The following FHDC1 variants were observed in gnomAD, a reference collection of about 807,000 sequenced individuals.
The protein encoded by FHDC1 is FH2 domain-containing protein 1.
A neutral mutation model predicts 52.6 loss-of-function variants in FHDC1; 25 were observed. The observed-to-expected ratio is 0.48, with a 90% confidence interval of 0.35 to 0.66. The LOEUF (loss-of-function observed/expected upper bound fraction) is 0.66, where lower values mean the gene tolerates loss of function less well. FHDC1 is among the 30% of genes least tolerant of loss of function. The pLI, the probability that FHDC1 is intolerant of heterozygous loss-of-function variation, is 0.01. For missense variants in FHDC1, 1,459 were observed against 1,452.8 expected, an observed-to-expected ratio of 1.00 and a Z score of -0.07; for synonymous variants, 616 against 581.5, an observed-to-expected ratio of 1.06 and a Z score of -0.85.
intron 9 of FHDC1, among the ~76,000 whole-genome samples, chr4:152,966,107 A>C (rs906053484): frequency 6.6e-6 from 1 of 152,228 alleles, no homozygotes; most frequent in African/African-American, 2.4e-5. Flanking sequence ...GTGTGGGAAC[A>C]TTTTTACTGT....
At chr4:152,931,542 A>C (rs1739253445), upstream of FHDC1, among the ~76,000 whole-genome samples, 2 of 151,936 alleles carry the variant, frequency 1.3e-5, no homozygotes, top group South Asian at 4.2e-4. Flanking sequence ...GCTCTAAGGA[A>C]ATACAGTATA....
the FHDC1 span, among the ~76,000 whole-genome samples, chr4:152,923,511 T>C: frequency 6.6e-6 from 1 of 152,204 alleles, no homozygotes; most frequent in East Asian, 1.9e-4. Flanking sequence ...AAAACTACTT[T>C]AAAGTTCATA....
At chr4:152,946,236 GAC>G (rs1739729109) in intron 2 of FHDC1, among the ~76,000 whole-genome samples, 1 of 152,140 alleles carries the variant, frequency 6.6e-6, no homozygotes, top group Non-Finnish European at 1.5e-5. Context: ...TAGTCTGAGA[GAC>G]AACATACTAG....
At position 152,975,772 on chromosome 4, in the gene FHDC1, C is replaced by T. The variant is rs771990564; in HGVS notation, c.2481C>T (p.Ser827=). 1.3e-6 allele frequency: 2 copies of T among 1,561,568 alleles called. No individual in the cohort carries two copies. The highest frequency in any genetic ancestry group is 1.7e-6 in the Non-Finnish European group (2 of 1,151,752). ...AAGTCTCCTCCAACCCTACATCCAG[C>T]CCCCCTGGGGAGGCTCCTGCCCCCG... is the stretch of plus-strand genomic sequence containing the variant. ...DSQVSSNPTS[S]PPGEAPAPVS... Residue 827 remains serine (S), a synonymous_variant, in exon 12 of 12, where the codon AGC becomes AGT. Coordinates refer to ENST00000511601, the MANE Select transcript of FHDC1 (RefSeq NM_001371116.1).
In FHDC1 at chr4:152,958,959, G is replaced by A. The variant is rs146519539; in HGVS notation, c.664-1606G>A. Among the ~76,000 whole-genome samples the A allele has an allele frequency of 3.0e-3, 458 of 152,288 alleles. 3 individuals carry two copies. The highest frequency in any genetic ancestry group is 0.01 in the African/African-American group (425 of 41,554). ...AGACTTAATACTAGGGTGTGAACTC[G>A]AAGTGTTACATTTTATATTTTCAAA... On this transcript the variant is annotated intron_variant, in intron 4 of 11. Coordinates refer to ENST00000511601, the MANE Select transcript of FHDC1 (RefSeq NM_001371116.1).
chr4:152,918,980 T>C, the FHDC1 span, among the ~76,000 whole-genome samples: 425 of 152,376 alleles, frequency 2.8e-3, 1 homozygote, highest in Non-Finnish European at 4.7e-3. Context: ...AGAGCTTGGA[T>C]CTAGCAGATT....
At chr4:152,959,538 T>G (rs1021896273) in intron 4 of FHDC1, among the ~76,000 whole-genome samples, 7 of 152,158 alleles carry the variant, frequency 4.6e-5, no homozygotes, top group Admixed American at 3.9e-4. Context: ...CAGAAGAAAA[T>G]AGCAGACAAC....
At chr4:152,954,512 C>T (rs115844699) in intron 4 of FHDC1, among the ~76,000 whole-genome samples, 193 bp downstream of exon 4, 1 of 152,140 alleles carries the variant, frequency 6.6e-6, no homozygotes, top group African/African-American at 2.4e-5. Flanking sequence ...CATGATGGAA[C>T]TCTGTCTCTG....
chr4:152,962,940 GGTGTGTGTGTGTGTGTGTGT>G (rs34181980), intron 7 of FHDC1, 56 bp downstream of exon 7: 72 of 936,468 alleles, frequency 7.7e-5, no homozygotes, highest in Admixed American at 2.4e-4. Context: ...TCTATCTAAA[GGTGTGTGTGTGTGTGTGTGT>G]GTGTGTGTGT....
In FHDC1 at chr4:152,975,134, C is replaced by T. The variant is rs758516537; in HGVS notation, c.1843C>T (p.Pro615Ser). 2.5e-6 allele frequency: 4 copies of T among 1,612,932 alleles called. No individual in the cohort carries two copies. ...SGGQEEAPNP[P>S]SAQAHQLAAA... ...GGGCCAGGAGGAGGCCCCCAACCCACCCTCAGCACAGGCGCACCAGCTTGC... is the reference window on the plus strand; with the variant it reads ...GGGCCAGGAGGAGGCCCCCAACCCATCCTCAGCACAGGCGCACCAGCTTGC... Residue 615 changes from proline to serine, a missense_variant, in exon 12 of 12, where the codon CCC becomes TCC. Physicochemically the swap from Pro to Ser is moderately conservative, Grantham distance 74. This residue lies in a region of FHDC1 where 939 missense variants were observed against 854.5 expected (regional missense o/e 1.10). Transcript: ENST00000511601.
intron 2 of FHDC1, among the ~76,000 whole-genome samples, chr4:152,952,563 C>T (rs928811683): frequency 1.3e-5 from 2 of 152,058 alleles, no homozygotes; most frequent in Admixed American, 6.5e-5. Flanking sequence ...TTTAAAAATA[C>T]AGTATAACAA....
At chr4:152,928,188 A>G in the FHDC1 span, 2 of 786,734 alleles carry the variant, frequency 2.5e-6, no homozygotes, top group Admixed American at 1.7e-5. Context: ...TTCCAAACCA[A>G]TACCTTCCTT....
At chr4:152,916,752 GA>G in the FHDC1 span, among the ~76,000 whole-genome samples, 1 of 152,028 alleles carries the variant, frequency 6.6e-6, no homozygotes, top group African/African-American at 2.4e-5. Flanking sequence ...TTTGTATTTG[GA>G]AACAGAAATT....
Position 152,978,865 on chromosome 4 carries a change from T to A in FHDC1, c.*2142T>A, listed in dbSNP as rs1039298125. The stretch of plus-strand genomic sequence containing the variant: ...AGCTGAGTTTTAAAGGTAAACGTTA[T>A]GGCTGAAATAGTAAAGCACCTGACC... On this transcript the variant is annotated 3_prime_UTR_variant, in exon 12 of 12. Transcript: ENST00000511601. The A allele has an allele frequency of 6.6e-6, 1 of 152,180 alleles. No individual in the cohort carries two copies. Among genetic ancestry groups the A allele is most frequent in the Non-Finnish European group, 1.5e-5 (1 of 68,038 alleles). 9.4% of individuals were successfully genotyped at this position (152,180 alleles called of 1,614,324 possible).
At chr4:152,934,987 A>G (rs187594866), upstream of FHDC1, among the ~76,000 whole-genome samples, 3 of 152,336 alleles carry the variant, frequency 2.0e-5, no homozygotes, top group African/African-American at 7.2e-5. Context: ...TGAACAGTCA[A>G]TATTCCTTTG....
the FHDC1 span, chr4:152,911,870 G>A: frequency 6.6e-6 from 1 of 152,514 alleles, no homozygotes; most frequent in Middle Eastern, 3.4e-3. Flanking sequence ...TGTGCCTCTA[G>A]TGTGAATTTT....
Position 152,957,984 on chromosome 4 carries a change from T to C in FHDC1, c.664-2581T>C, listed in dbSNP as rs528685432. Among the ~76,000 whole-genome samples, 3 of 152,312 alleles carry C rather than the reference T, an allele frequency of 2.0e-5. No homozygotes were observed. In the South Asian group the frequency reaches 6.2e-4, roughly 32 times the overall value. ...CTGGTGCTAGACGTGGTAGAAACTT[T>C]CTGTTCTCCTGAAGCAGTTTGAGTT... On this transcript the variant is annotated intron_variant, in intron 4 of 11. Coordinates refer to ENST00000511601, the MANE Select transcript of FHDC1 (RefSeq NM_001371116.1).
chr4:152,932,400 T>TC (rs1427709907), upstream of FHDC1, among the ~76,000 whole-genome samples: 2 of 108,554 alleles, frequency 1.8e-5, no homozygotes, highest in East Asian at 6.2e-4. Flanking sequence ...AGACTCTATC[T>TC]CAAAAAAAAA....
intron 8 of FHDC1, among the ~76,000 whole-genome samples, chr4:152,963,578 G>A (rs1203846305): frequency 1.3e-5 from 2 of 150,762 alleles, no homozygotes; most frequent in Non-Finnish European, 3.0e-5. Context: ...TTTGGTGAGC[G>A]TTGAGGGGGA....
Sources: gnomAD v4.1 joint callset for allele counts (sites outside exome capture counted in the v4.1 genomes callset) on GRCh38, gnomAD v4.1.1 for gene constraint, gnomAD v4.1.1 regional missense constraint, MANE v1.5 for transcripts, NCBI Gene and HGNC (gene_info 2026-07-23, HGNC 2026-07-21) for gene names.